ZC3H11A: variants seen among roughly 807,000 people sequenced by gnomAD.
ZC3H11A encodes zinc finger CCCH domain-containing protein 11A.
In ZC3H11A, 22 loss-of-function variants were observed where a neutral mutation model predicts 90.8. The ratio of observed to expected loss-of-function variants is 0.24; its 90% CI spans 0.17 to 0.35. The LOEUF (loss-of-function observed/expected upper bound fraction) is 0.35. ZC3H11A is among the 10% of genes least tolerant of loss of function. The pLI, the probability that ZC3H11A is intolerant of heterozygous loss-of-function variation, is 1.00. For synonymous variants in ZC3H11A, 294 were observed against 339.8 expected (o/e 0.87, Z 1.48); for missense variants, 701 against 964.9 (o/e 0.73, Z 3.62).
intron 14 of ZC3H11A, among the ~76,000 whole-genome samples, chr1:203,849,206 A>G (rs1166460357): frequency 3.9e-5 from 6 of 152,182 alleles, no homozygotes; most frequent in Non-Finnish European, 4.4e-5. Flanking sequence ...TTTTGTTTAT[A>G]TATGCATGCA....
At chr1:203,806,783 T>G (rs1230482722) in intron 2 of ZC3H11A, among the ~76,000 whole-genome samples, 1 of 151,460 alleles carries the variant, frequency 6.6e-6, no homozygotes, top group Non-Finnish European at 1.5e-5. Context: ...AGGAAGTACC[T>G]TACAATTTAC....
chr1:203,829,180 A>G (rs2103006793), intron 5 of ZC3H11A: 1 of 474,808 alleles, frequency 2.1e-6, no homozygotes, highest in Non-Finnish European at 3.7e-6. Context: ...AAGGTCTAGA[A>G]TTTGTGAACA....
In ZC3H11A at chr1:203,850,001, A is replaced by G. The variant is rs746527606; in HGVS notation, c.1914A>G (p.Ala638=). The change falls in exon 15 of 18, where the codon GCA becomes GCG. Residue 638 remains alanine, a synonymous_variant. Coordinates refer to ENST00000367210, the MANE Select transcript of ZC3H11A (RefSeq NM_001376342.1). The part of the protein sequence containing the change: ...GDSLLNVKCA[A]QTLEKRGKAK... Reference sequence around the variant, plus strand: ...CATTATTGAATGTGAAATGTGCAGCACAGACCTTGGAAAAAAGGGGTAAAG... The same window carrying G: ...CATTATTGAATGTGAAATGTGCAGCGCAGACCTTGGAAAAAAGGGGTAAAG... 2.5e-6 allele frequency: 4 copies of G among 1,613,912 alleles called. No individual in the cohort carries two copies. The South Asian group carries it at 4.4e-5, about 18-fold the overall frequency.
intron 4 of ZC3H11A, among the ~76,000 whole-genome samples, chr1:203,819,176 G>GTA (rs199790996): frequency 0.099 from 14,699 of 147,928 alleles, 1,012 homozygotes; most frequent in Non-Finnish European, 0.14. Context: ...ATATGTGTGT[G>GTA]TATATATATA....
intron 12 of ZC3H11A, among the ~76,000 whole-genome samples, chr1:203,840,605 A>ATTAT (rs534962124): frequency 0.17 from 25,246 of 147,608 alleles, 2,415 homozygotes; most frequent in Admixed American, 0.29. Flanking sequence ...ATAGTAGGAA[A>ATTAT]TTATTTATTT....
chr1:203,833,618 G>GTTTTTTTTTTT lies in ZC3H11A; in HGVS notation c.812-165_812-155dup, dbSNP rs553171669. 1.5e-4 allele frequency among the ~76,000 whole-genome samples: 19 copies of GTTTTTTTTTTT among 124,830 alleles called. 1 individual carries two copies. The highest frequency in any genetic ancestry group is 2.1e-4 in the African/African-American group (7 of 34,004). The allele number at this position is 124,830 out of a possible 152,430, so 81.9% of individuals were successfully genotyped here. On this transcript the variant is annotated intron_variant, in intron 9 of 17. Coordinates refer to ENST00000367210, the MANE Select transcript of ZC3H11A (RefSeq NM_001376342.1). ...GGCTGTTTATTATTAATAGGTTTGG[G>GTTTTTTTTTTT]TTTTTTTTTTTTTTTTTTGATATAA...
chr1:203,811,822 CTT>C (rs766087522), intron 2 of ZC3H11A, among the ~76,000 whole-genome samples: 18 of 133,370 alleles, frequency 1.3e-4, no homozygotes, highest in Admixed American at 2.3e-4. Flanking sequence ...TTGTCTTTTT[CTT>C]TTTTTTTTTT....
At chr1:203,798,042 C>T (rs1448905882) in intron 1 of ZC3H11A, 5 of 1,534,776 alleles carry the variant, frequency 3.3e-6, no homozygotes, top group Admixed American at 2.0e-5. Context: ...TACTCTTCAA[C>T]GACATCTGCA....
At position 203,833,379 on chromosome 1, in the gene ZC3H11A, A is replaced by AAC. The variant is rs1553267287; in HGVS notation, c.812-411_812-410insCA. Among the ~76,000 whole-genome samples, 1,016 of 145,768 alleles carry AAC rather than the reference A, an allele frequency of 7.0e-3. 16 individuals are homozygous for AAC. The highest frequency in any genetic ancestry group is 0.039 in the East Asian group (199 of 5,046). ...GACTCTGTCTCAAAAAAAAAAAAAAAAAAAACACCAGGTGTGGTAGTGTGC... is the reference window on the plus strand; with the variant it reads ...GACTCTGTCTCAAAAAAAAAAAAAAAACAAAAACACCAGGTGTGGTAGTGTGC... On this transcript the variant is annotated intron_variant, in intron 9 of 17. Transcript: ENST00000367210.
At chr1:203,812,046 A>G (rs988753383) in intron 2 of ZC3H11A, among the ~76,000 whole-genome samples, 3 of 152,014 alleles carry the variant, frequency 2.0e-5, no homozygotes, top group Admixed American at 6.6e-5. Flanking sequence ...TGAACTACTG[A>G]CCTCAAGTGA....
At chr1:203,828,154 C>G (rs1486555222) in intron 4 of ZC3H11A, 145 bp from the exon 5 acceptor site, 1 of 889,220 alleles carries the variant, frequency 1.1e-6, no homozygotes, top group African/African-American at 1.7e-5. Context: ...TTATTTTCAG[C>G]AATCTCTCTT....
intron 2 of ZC3H11A, among the ~76,000 whole-genome samples, chr1:203,806,462 C>T (rs912758257): frequency 3.3e-4 from 50 of 152,144 alleles, no homozygotes; most frequent in Admixed American, 4.6e-4. Context: ...CCATCATGCC[C>T]GGCTAATTTT....
At chr1:203,850,466 TAA>T (rs1264930998) in intron 15 of ZC3H11A, 47 bp from the exon 16 acceptor site, 7 of 1,603,448 alleles carry the variant, frequency 4.4e-6, no homozygotes, top group African/African-American at 1.3e-5. Flanking sequence ...ATTCCCCATT[TAA>T]AAGAGTCTAT....
chr1:203,828,256 A>G (rs36111209), intron 4 of ZC3H11A, 43 bp from the exon 5 acceptor site: 206,454 of 1,610,912 alleles, frequency 0.13, 14,807 homozygotes, highest in Non-Finnish European at 0.14. Context: ...GAATATACGT[A>G]TCACTGTTTT....
At chr1:203,799,797 C>A in intron 1 of ZC3H11A, 1 of 1,275,516 alleles carries the variant, frequency 7.8e-7, no homozygotes, top group Non-Finnish European at 1.1e-6. Context: ...AAGTGCCATG[C>A]TTAAATCCAA....
intron 4 of ZC3H11A, among the ~76,000 whole-genome samples, chr1:203,820,411 TA>T (rs1678164222): frequency 6.6e-6 from 1 of 151,708 alleles, no homozygotes; most frequent in Non-Finnish European, 1.5e-5. Flanking sequence ...GGTTTGTTTG[TA>T]TTCCCCCTCA....
intron 12 of ZC3H11A, among the ~76,000 whole-genome samples, chr1:203,845,622 T>TGG (rs1421857684): frequency 6.6e-6 from 1 of 152,162 alleles, no homozygotes; most frequent in Non-Finnish European, 1.5e-5. Context: ...CCCAGCACTT[T>TGG]GGGAGGCCAG....
rs559651406 is a variant in ZC3H11A at position 203,821,026 on chromosome 1, C to T, written c.174+2337C>T. The stretch of plus-strand genomic sequence containing the variant: ...TGCAAACTTGTGGTGATACGTTTGG[C>T]TCTGTATCCTCACCTGAATCTCACC... On this transcript the variant is annotated intron_variant, in intron 4 of 17. Coordinates refer to ENST00000367210, the MANE Select transcript of ZC3H11A (RefSeq NM_001376342.1). Among the ~76,000 whole-genome samples the T allele has an allele frequency of 2.0e-5, 3 of 152,262 alleles. No homozygotes were observed. In the East Asian group the frequency reaches 5.8e-4, roughly 29 times the overall value.
intron 12 of ZC3H11A, among the ~76,000 whole-genome samples, chr1:203,841,811 C>T (rs1244335279): frequency 4.8e-5 from 7 of 145,328 alleles, no homozygotes; most frequent in Non-Finnish European, 9.3e-5. Flanking sequence ...GACGGGGCGG[C>T]TGCCGGGCGG....
Sources: allele counts gnomAD v4.1 joint callset (sites outside exome capture counted in the v4.1 genomes callset), GRCh38; gene constraint gnomAD v4.1.1; transcripts MANE v1.5; gene names NCBI Gene and HGNC (gene_info 2026-07-23, HGNC 2026-07-21).